The following SPTBN2 variants were observed in gnomAD, a reference collection of about 807,000 sequenced individuals.
SPTBN2 encodes spectrin beta chain, non-erythrocytic 2.
In SPTBN2, 107 loss-of-function variants were observed where a neutral mutation model predicts 284.2. That is an observed-to-expected ratio of 0.38 (90% CI 0.32 to 0.44). The LOEUF is 0.44. SPTBN2 is among the 20% of genes least tolerant of loss of function. The pLI, the probability that SPTBN2 is intolerant of heterozygous loss-of-function variation, is 1.00. For missense variants in SPTBN2, 2,569 were observed against 3,287.1 expected (o/e 0.78, Z 5.34); for synonymous variants, 1,289 against 1,354.8 (o/e 0.95, Z 1.07).
chr11:66,691,207 G>C lies in SPTBN2; in HGVS notation c.5565+77C>G. The C allele has an allele frequency of 1.2e-5, 18 of 1,485,142 alleles. No individual in the cohort carries two copies. The highest frequency in any genetic ancestry group is 1.6e-5 in the Non-Finnish European group (18 of 1,115,440). 92.0% of individuals were successfully genotyped at this position (1,485,142 alleles called of 1,614,324 possible). Reference sequence around the variant, plus strand: ...CCCAGCATTTCTGAGCTCTACCCTAGCTCCTGGGAACTCTCCCCGGCATTT... The same window carrying C: ...CCCAGCATTTCTGAGCTCTACCCTACCTCCTGGGAACTCTCCCCGGCATTT... On this transcript the variant is annotated intron_variant, in intron 27 of 37. Transcript: ENST00000533211. The surrounding 1 kb of genome is among the most constrained non-coding windows in gnomAD (Gnocchi z 8.0).
chr11:66,727,179 A>G (rs1181359681), intron 1 of SPTBN2, among the ~76,000 whole-genome samples: 1 of 152,200 alleles, frequency 6.6e-6, no homozygotes, highest in African/African-American at 2.4e-5. Flanking sequence ...TCCTCGGCCA[A>G]TCCTTTGCCT....
chr11:66,700,908 G>A lies in SPTBN2; in HGVS notation c.3191C>T (p.Ala1064Val), dbSNP rs151280581. Residue 1064 changes from alanine (A) to valine (V), a missense_variant, in exon 17 of 38, where the codon GCG becomes GTG. Physicochemically the swap from Ala to Val is moderately conservative, Grantham distance 64 (BLOSUM62 0). Around this residue, in one of 6 missense-constraint regions of SPTBN2, gnomAD observed 1,012 missense variants for 1,248.9 expected, o/e 0.81. Transcript: ENST00000533211. This position sits in a 1 kb window ranked among gnomAD's most constrained non-coding sequence, Gnocchi z 6.6. ...GCGCAAGAAGTCCTGCAGCCGCCGCGCCTCCCCCAGCGACTCTTCTCGACG... is the reference window on the plus strand; with the variant it reads ...GCGCAAGAAGTCCTGCAGCCGCCGCACCTCCCCCAGCGACTCTTCTCGACG... Reference protein sequence around the residue: ...MRRREESLGEARRLQDFLRSL... With the variant: ...MRRREESLGEVRRLQDFLRSL... 12 of 1,600,922 alleles carry A rather than the reference G, an allele frequency of 7.5e-6. No individual in the cohort carries two copies. Among genetic ancestry groups the A allele is most frequent in the African/African-American group, 1.3e-5 (1 of 74,918 alleles).
At chr11:66,705,574 T>C in intron 14 of SPTBN2, 106 bp from the exon 15 acceptor site, 3 of 1,602,510 alleles carry the variant, frequency 1.9e-6, no homozygotes, top group Non-Finnish European at 2.5e-6. Context: ...TCAGTCACCA[T>C]CGTTTGGCCA....
intron 13 of SPTBN2, among the ~76,000 whole-genome samples, chr11:66,706,102 C>T (rs914247673): frequency 1.3e-5 from 2 of 152,138 alleles, no homozygotes; most frequent in Non-Finnish European, 2.9e-5. Context: ...GAATCATCGA[C>T]ACCCTCCTGC....
At chr11:66,726,471 T>C (rs1590990827) in intron 1 of SPTBN2, among the ~76,000 whole-genome samples, 3 of 152,340 alleles carry the variant, frequency 2.0e-5, no homozygotes, top group African/African-American at 7.2e-5. Context: ...AGGGCCACCC[T>C]TGTCCAAAGA....
intron 3 of SPTBN2, 40 bp from the exon 4 acceptor site, chr11:66,716,021 C>T: frequency 6.2e-7 from 1 of 1,612,896 alleles, no homozygotes; most frequent in Non-Finnish European, 8.5e-7. Flanking sequence ...CCCTCGAGTT[C>T]AGTATGCCTG....
intron 3 of SPTBN2, among the ~76,000 whole-genome samples, chr11:66,717,494 C>G (rs995452935): frequency 1.3e-5 from 2 of 152,166 alleles, no homozygotes; most frequent in African/African-American, 4.8e-5. Context: ...CACGTCGCTC[C>G]GTGTCTTTCA....
upstream of SPTBN2, among the ~76,000 whole-genome samples, chr11:66,730,540 A>G (rs1295445554): frequency 6.6e-6 from 1 of 151,118 alleles, no homozygotes; most frequent in African/African-American, 2.4e-5. Flanking sequence ...AGATTGTGCC[A>G]CTGCACTTCA....
intron 20 of SPTBN2, among the ~76,000 whole-genome samples, chr11:66,697,964 G>A (rs1565124841): frequency 6.6e-6 from 1 of 152,230 alleles, no homozygotes. Context: ...AAAGGAAAGT[G>A]TCTTTTCGTA....
chr11:66,708,046 G>C lies in SPTBN2; in HGVS notation c.1350+95C>G. The C allele has an allele frequency of 1.3e-6, 2 of 1,582,562 alleles. No homozygotes were observed. The highest frequency in any genetic ancestry group is 1.7e-6 in the Non-Finnish European group (2 of 1,154,812). On this transcript the variant is annotated intron_variant, in intron 12 of 37. Coordinates refer to ENST00000533211, the MANE Select transcript of SPTBN2 (RefSeq NM_006946.4). This position sits in a 1 kb window ranked among gnomAD's most constrained non-coding sequence, Gnocchi z 4.4. The stretch of plus-strand genomic sequence containing the variant: ...TTTTTACCCAGGTGACGGATTTTGT[G>C]TTTCATTGTCTCTCCACCCCGCGGG...
At position 66,684,087 on chromosome 11, in the gene SPTBN2, C is replaced by T. The variant is rs1230114403; in HGVS notation, c.*1784G>A. Among the ~76,000 whole-genome samples the T allele has an allele frequency of 1.3e-5, 2 of 152,246 alleles. No individual in the cohort carries two copies. The highest frequency in any genetic ancestry group is 2.1e-4 in the South Asian group (1 of 4,834). On this transcript the variant is annotated 3_prime_UTR_variant, in exon 38 of 38. Transcript: ENST00000533211. ...GATGTGCTAGTTCTGGGCCTGCACA[C>T]ACCTAACTCGGTCTTCGTCATGACT...
Position 66,690,255 on chromosome 11 carries a change from C to T in SPTBN2, c.5594G>A (p.Arg1865Gln), listed in dbSNP as rs749987736. 26 of 1,611,180 alleles carry T rather than the reference C, an allele frequency of 1.6e-5. No individual in the cohort carries two copies. Among genetic ancestry groups the T allele is most frequent in the East Asian group, 4.5e-5 (2 of 44,854 alleles). ...QVQQVQDDGHRLQKAYAGDKA... is the reference protein window; with the variant it reads ...QVQQVQDDGHQLQKAYAGDKA... ...GTCTCCAGCGTAGGCCTTCTGGAGC[C>T]GGTGGCCGTCGTCCTGCACCTGCTG... The change falls in exon 28 of 38, where the codon CGG becomes CAG. Residue 1865 changes from arginine (R) to glutamine (Q), a missense_variant. This residue lies in a region of SPTBN2 where 1,130 missense variants were observed against 1,317.3 expected (regional missense o/e 0.86). Coordinates refer to ENST00000533211, the MANE Select transcript of SPTBN2 (RefSeq NM_006946.4).
At position 66,707,541 on chromosome 11, in the gene SPTBN2, A is replaced by G; in HGVS notation, c.1628T>C (p.Leu543Pro). ...CTTCATCTCTTCCATCCAGTCCATG[A>G]GGTAGAGCAGGTCCTGGAACACCTT... ...LQKVFQDLLY[L>P]MDWMEEMKGR... The change falls in exon 13 of 38, where the codon CTC becomes CCC. Residue 543 changes from leucine to proline, a missense_variant. Coordinates refer to ENST00000533211, the MANE Select transcript of SPTBN2 (RefSeq NM_006946.4). The surrounding 1 kb of genome is among the most constrained non-coding windows in gnomAD (Gnocchi z 4.9). 1 of 1,609,264 alleles carries G rather than the reference A, an allele frequency of 6.2e-7. No individual in the cohort carries two copies. The highest frequency in any genetic ancestry group is 8.5e-7 in the Non-Finnish European group (1 of 1,178,378).
At position 66,687,787 on chromosome 11, in the gene SPTBN2, G is replaced by A; in HGVS notation, c.6501+81C>T. 6.3e-7 allele frequency: 1 copy of A among 1,586,532 alleles called. No homozygotes were observed. The highest frequency in any genetic ancestry group is 2.2e-5 in the East Asian group (1 of 44,712). ...TCTGCCCTCTCCCATCCCATCCCCA[G>A]TACTCCCCCACCCGCACTCACCACC... On this transcript the variant is annotated intron_variant, in intron 34 of 37. Transcript: ENST00000533211. The surrounding 1 kb of genome is among the most constrained non-coding windows in gnomAD (Gnocchi z 5.2).
Position 66,693,705 on chromosome 11 carries a change from GA to G in SPTBN2, c.4593+66del. ...AGCATCGAGGGGGGCCTGGTCTTAA[GA>G]AAAAACACGTCCAAGTCTGGGCAGG... is the stretch of plus-strand genomic sequence containing the variant. On this transcript the variant is annotated intron_variant, in intron 23 of 37. Coordinates refer to ENST00000533211, the MANE Select transcript of SPTBN2 (RefSeq NM_006946.4). This position sits in a 1 kb window ranked among gnomAD's most constrained non-coding sequence, Gnocchi z 5.7. 3 of 1,506,902 alleles carry G rather than the reference GA, an allele frequency of 2.0e-6. No homozygotes were observed. Among genetic ancestry groups the G allele is most frequent in the Non-Finnish European group, 2.7e-6 (3 of 1,103,530 alleles). The allele number at this position is 1,506,902 out of a possible 1,614,324, so 93.3% of individuals were successfully genotyped here. A position where few individuals can be genotyped will look rare whatever the true frequency, so the allele number is the denominator to read the frequency against.
chr11:66,722,446 G>A (rs1942458107), intron 1 of SPTBN2, among the ~76,000 whole-genome samples: 1 of 151,784 alleles, frequency 6.6e-6, no homozygotes, highest in East Asian at 1.9e-4. Context: ...TGTGGTGGTG[G>A]GTGCCTGTAG....
At chr11:66,742,628 T>A (rs1565167543) in intron 1 of SPTBN2, among the ~76,000 whole-genome samples, 1 of 151,998 alleles carries the variant, frequency 6.6e-6, no homozygotes, top group African/African-American at 2.4e-5. Context: ...TTTTTTTTTT[T>A]AGACAGAGTC....
chr11:66,731,761 C>G (rs1292409448), upstream of SPTBN2, among the ~76,000 whole-genome samples: 1 of 152,246 alleles, frequency 6.6e-6, no homozygotes, highest in African/African-American at 2.4e-5. Context: ...ATTGGCTTCA[C>G]TTCCTCGCCC....
rs932647968 is a variant in SPTBN2 at position 66,718,456 on chromosome 11, G to A, written c.158-2475C>T. On this transcript the variant is annotated intron_variant, in intron 3 of 37. Transcript: ENST00000533211. This position sits in a 1 kb window ranked among gnomAD's most constrained non-coding sequence, Gnocchi z 4.8. ...CCCGGGCCTCACCTTGCAGCTGTTT[G>A]AAGCGTCCTTCCAGCACGCTGGCAT... Among the ~76,000 whole-genome samples the A allele has an allele frequency of 2.0e-5, 3 of 152,230 alleles. No homozygotes were observed. The highest frequency in any genetic ancestry group is 4.4e-5 in the Non-Finnish European group (3 of 68,040).
Sources: allele counts gnomAD v4.1 joint callset (sites outside exome capture counted in the v4.1 genomes callset), GRCh38; gene constraint gnomAD v4.1.1; regional missense constraint gnomAD v4.1.1; non-coding constraint Gnocchi (gnomAD v3.1); transcripts MANE v1.5; gene names NCBI Gene and HGNC (gene_info 2026-07-23, HGNC 2026-07-21).